Variants in CFAP65 observed in about 807,000 individuals in gnomAD.
CFAP65 encodes the protein cilia- and flagella-associated protein 65.
A neutral mutation model predicts 208.0 loss-of-function variants in CFAP65; 155 were observed. The observed-to-expected ratio is 0.75, with a 90% confidence interval of 0.65 to 0.85. CFAP65 has a LOEUF of 0.85. CFAP65 is among the 40% of genes least tolerant of loss of function. The pLI is 0.00. For missense variants in CFAP65, 2,294 were observed against 2,451.3 expected, an observed-to-expected ratio of 0.94 and a Z score of 1.36; for synonymous variants, 970 against 986.3, an observed-to-expected ratio of 0.98 and a Z score of 0.31.
At chr2:219,038,077 C>T (rs1948466895) in intron 4 of CFAP65, among the ~76,000 whole-genome samples, 1 of 152,210 alleles carries the variant, frequency 6.6e-6, no homozygotes, top group South Asian at 2.1e-4. Flanking sequence ...TCACTGCTCC[C>T]AGCACTCCAG....
Position 219,003,127 on chromosome 2 carries a change from G to T in CFAP65, c.5693+8C>A. On this transcript the variant is annotated splice_region_variant and intron_variant, in intron 34 of 34. Transcript: ENST00000341552. This position sits in a 1 kb window ranked among gnomAD's most constrained non-coding sequence, Gnocchi z 4.4. ...GGTCTGCGCGGCCGCTGGTCCCGGC[G>T]CCCTTACCTGGGCACGCAGAACGGC... is the stretch of plus-strand genomic sequence containing the variant. 1 of 1,542,792 alleles carries T rather than the reference G, an allele frequency of 6.5e-7. No individual in the cohort carries two copies. The highest frequency in any genetic ancestry group is 8.8e-7 in the Non-Finnish European group (1 of 1,141,752).
intron 19 of CFAP65, among the ~76,000 whole-genome samples, chr2:219,020,010 A>G (rs1947172528): frequency 6.6e-6 from 1 of 151,774 alleles, no homozygotes; most frequent in African/African-American, 2.4e-5. Flanking sequence ...ACACCATTAT[A>G]TACTGGGTAA....
rs746529279 is a variant in CFAP65, at chr2:219,028,180, C to T, written c.1851+21G>A. The T allele has an allele frequency of 8.1e-6, 13 of 1,611,468 alleles. No individual in the cohort carries two copies. In the African/African-American group the frequency reaches 1.1e-4, roughly 13 times the overall value. ...CAAGAATCACTAGAGAAGGGATATG[C>T]AGCTGGGGAGGGCACTGTACCTGGA... On this transcript the variant is annotated intron_variant, in intron 12 of 34. Coordinates refer to ENST00000341552, the MANE Select transcript of CFAP65 (RefSeq NM_194302.4).
chr2:219,030,152 G>A lies in CFAP65; in HGVS notation c.1218C>T (p.Ala406=). 1 of 1,614,166 alleles carries A rather than the reference G, an allele frequency of 6.2e-7. No individual in the cohort carries two copies. ...TGCCATGGGCCGTGGGGCATGAGAA[G>A]GCCTGGTCTTCGGCCAGTTCATCCG... The part of the protein sequence containing the change: ...ISPDELAEDQ[A]FSCPTAHGIV... Residue 406 remains alanine (A), a synonymous_variant, in exon 10 of 35, where the codon GCC becomes GCT. Transcript: ENST00000341552.
chr2:219,012,743 G>A (rs1946570940), intron 24 of CFAP65, among the ~76,000 whole-genome samples: 1 of 152,202 alleles, frequency 6.6e-6, no homozygotes. Context: ...CATCCTTTTT[G>A]GAGCAGTGAT....
intron 14 of CFAP65, 87 bp from the exon 15 acceptor site, chr2:219,024,347 A>G: frequency 6.7e-7 from 1 of 1,499,494 alleles, no homozygotes; most frequent in Non-Finnish European, 9.0e-7. Context: ...GCTTGGGAGG[A>G]GCTGTCTCCA....
intron 21 of CFAP65, chr2:219,014,950 G>T (rs1028093487): frequency 6.7e-6 from 1 of 148,812 alleles, no homozygotes; most frequent in Non-Finnish European, 1.5e-5. Flanking sequence ...GAGAATGCAT[G>T]CAACACACAC....
At chr2:219,020,483 C>T (rs1030929879) in intron 19 of CFAP65, among the ~76,000 whole-genome samples, 1 of 152,166 alleles carries the variant, frequency 6.6e-6, no homozygotes, top group African/African-American at 2.4e-5. Flanking sequence ...TGGGCTCAAG[C>T]AATCCTCCTG....
At position 219,010,531 on chromosome 2, in the gene CFAP65, C is replaced by G. The variant is rs755762503; in HGVS notation, c.4308+15G>C. On this transcript the variant is annotated intron_variant, in intron 26 of 34. Transcript: ENST00000341552. ...CCCACAAGGCCTCAGGCCTTCCTAG[C>G]TCCCCTTTCCCCACCTGTCCAGGCA... The G allele has an allele frequency of 8.1e-6, 13 of 1,604,446 alleles. No homozygotes were observed. In the African/African-American group the frequency reaches 1.3e-4, roughly 17 times the overall value.
In CFAP65 at chr2:219,013,954, G is replaced by C. The variant is rs57772693; in HGVS notation, c.3693C>G (p.Arg1231=). Residue 1231 remains arginine (R), a synonymous_variant, in exon 22 of 35, where the codon CGC becomes CGG. Coordinates refer to ENST00000341552, the MANE Select transcript of CFAP65 (RefSeq NM_194302.4). ...ELNSTELHQM[R]VQDNCLFSIS... is the part of the protein sequence containing the mutation. The stretch of plus-strand genomic sequence containing the variant: ...TGGAGAAGAGGCAATTGTCCTGCAC[G>C]CGCATCTGGTGGAGCTCAGTGGAAT... The C allele has an allele frequency of 6.2e-7, 1 of 1,613,610 alleles. No homozygotes were observed. Among genetic ancestry groups the C allele is most frequent in the South Asian group, 1.1e-5 (1 of 90,940 alleles).
Position 219,029,973 on chromosome 2 carries a change from G to C in CFAP65, c.1384+13C>G. 3.1e-6 allele frequency: 5 copies of C among 1,611,892 alleles called. No homozygotes were observed. The highest frequency in any genetic ancestry group is 1.1e-5 in the South Asian group (1 of 91,002). ...CTCCTGTCCCCAGGGGAGGCCCCTG[G>C]GGTCACCGGTACCTCTACAGAAACC... On this transcript the variant is annotated intron_variant, in intron 10 of 34. Transcript: ENST00000341552.
rs770461580 is a variant in CFAP65, at chr2:219,004,454, C to T, written c.5053G>A (p.Gly1685Ser). Reference protein sequence around the residue: ...LVDILTTIIRGLLEDKNFHEA... With the variant: ...LVDILTTIIRSLLEDKNFHEA... ...TGGAAGTTCTTGTCTTCCAGCAGGC[C>T]CCTAGGTGGCAGGGAGAAGGAGAAG... The change falls in exon 33 of 35, where the codon GGC becomes AGC. Residue 1685 changes from glycine (G) to serine (S), a missense_variant and splice_region_variant. This residue lies in a region of CFAP65 where 1,427 missense variants were observed against 1,438.7 expected (regional missense o/e 0.99). Coordinates refer to ENST00000341552, the MANE Select transcript of CFAP65 (RefSeq NM_194302.4). This position sits in a 1 kb window ranked among gnomAD's most constrained non-coding sequence, Gnocchi z 4.7. The T allele has an allele frequency of 1.9e-6, 3 of 1,602,262 alleles. No individual in the cohort carries two copies. The highest frequency in any genetic ancestry group is 1.1e-5 in the South Asian group (1 of 88,520).
Position 219,023,199 on chromosome 2 carries a change from C to T in CFAP65, c.2820+8G>A. On this transcript the variant is annotated splice_region_variant and intron_variant, in intron 16 of 34. Coordinates refer to ENST00000341552, the MANE Select transcript of CFAP65 (RefSeq NM_194302.4). ...TTGCCGTCACTCGGCAGGAGGGGAG[C>T]CACTCACAAGTCTCTCGTTGGGCTG... The T allele has an allele frequency of 6.2e-7, 1 of 1,608,382 alleles. No individual in the cohort carries two copies. The highest frequency in any genetic ancestry group is 8.5e-7 in the Non-Finnish European group (1 of 1,177,708).
chr2:219,010,721 G>C lies in CFAP65; in HGVS notation c.4150-17C>G, dbSNP rs1173865011. The C allele has an allele frequency of 1.1e-5, 18 of 1,599,170 alleles. No individual in the cohort carries two copies. Among genetic ancestry groups the C allele is most frequent in the Non-Finnish European group, 1.5e-5 (17 of 1,172,388 alleles). On this transcript the variant is annotated splice_polypyrimidine_tract_variant and intron_variant, in intron 25 of 34. Transcript: ENST00000341552. The stretch of plus-strand genomic sequence containing the variant: ...CACGTCCACCTGGGGAGTTAGGAGG[G>C]TGGGGGTAGGGACTGGTCAGAGGGA...
At chr2:219,011,270 C>CTTTTT (rs528817484) in intron 24 of CFAP65, among the ~76,000 whole-genome samples, 282 of 107,084 alleles carry the variant, frequency 2.6e-3, no homozygotes, top group Non-Finnish European at 3.3e-3. Flanking sequence ...CTTTTTCTTT[C>CTTTTT]TTTTTTTTTT....
Position 219,022,310 on chromosome 2 carries a change from C to T in CFAP65, c.2840G>A (p.Ser947Asn), listed in dbSNP as rs1947319724. Reference protein sequence around the residue: ...NERLTLTWTFSPLEETKYLFQ... With the variant: ...NERLTLTWTFNPLEETKYLFQ... Reference sequence around the variant, plus strand: ...CAGGTACTTGGTCTCCTCCAAAGGGCTGAAGGTCCACGTCAGCGTCTGGGG... The same window carrying T: ...CAGGTACTTGGTCTCCTCCAAAGGGTTGAAGGTCCACGTCAGCGTCTGGGG... The change falls in exon 17 of 35, where the codon AGC becomes AAC. Residue 947 changes from serine (S) to asparagine (N), a missense_variant. Ser to Asn is a conservative substitution (Grantham distance 46). Coordinates refer to ENST00000341552, the MANE Select transcript of CFAP65 (RefSeq NM_194302.4). The T allele has an allele frequency of 6.2e-7, 1 of 1,605,156 alleles. No homozygotes were observed. Among genetic ancestry groups the T allele is most frequent in the Non-Finnish European group, 8.5e-7 (1 of 1,176,102 alleles).
At position 219,031,138 on chromosome 2, in the gene CFAP65, C is replaced by T. The variant is rs1420232781; in HGVS notation, c.983G>A (p.Arg328Gln). 2.1e-5 allele frequency: 34 copies of T among 1,601,198 alleles called. No homozygotes were observed. The highest frequency in any genetic ancestry group is 5.3e-5 in the African/African-American group (4 of 74,804). The change falls in exon 8 of 35, where the codon CGG becomes CAG. Residue 328 changes from arginine to glutamine, a missense_variant. Physicochemically the swap from Arg to Gln is conservative, Grantham distance 43 (BLOSUM62 1). Around this residue, in one of 2 missense-constraint regions of CFAP65, gnomAD observed 867 missense variants for 1,012.6 expected, o/e 0.86. Coordinates refer to ENST00000341552, the MANE Select transcript of CFAP65 (RefSeq NM_194302.4). This position sits in a 1 kb window ranked among gnomAD's most constrained non-coding sequence, Gnocchi z 5.2. ...CTGCAGCTGGATGCTGCTCCTCTGC[C>T]GGCTGCCCGCCCCGTACCAGCACGT... is the stretch of plus-strand genomic sequence containing the variant. Reference protein sequence around the residue: ...QATCWYGAGSRQRSSIQLQAV... With the variant: ...QATCWYGAGSQQRSSIQLQAV...
Position 219,022,222 on chromosome 2 carries a change from G to A in CFAP65, c.2928C>T (p.Thr976=). 1 of 1,606,386 alleles carries A rather than the reference G, an allele frequency of 6.2e-7. No individual in the cohort carries two copies. The highest frequency in any genetic ancestry group is 8.5e-7 in the Non-Finnish European group (1 of 1,176,756). Reference sequence around the variant, plus strand: ...CCACCAGCCGGAGCATGTAGTGGGTGGTGGCAGCGGGGTTGGCATTTGGGG... The same window carrying A: ...CCACCAGCCGGAGCATGTAGTGGGTAGTGGCAGCGGGGTTGGCATTTGGGG... ...GLSPNANPAA[T]THYMLRLVGV... Residue 976 remains threonine, a synonymous_variant, in exon 17 of 35, where the codon ACC becomes ACT. Coordinates refer to ENST00000341552, the MANE Select transcript of CFAP65 (RefSeq NM_194302.4).
Position 219,028,411 on chromosome 2 carries a change from TTG to T in CFAP65, c.1651-12_1651-11del. 6.2e-7 allele frequency: 1 copy of T among 1,611,894 alleles called. No individual in the cohort carries two copies. Among genetic ancestry groups the T allele is most frequent in the Non-Finnish European group, 8.5e-7 (1 of 1,179,650 alleles). On this transcript the variant is annotated splice_polypyrimidine_tract_variant and intron_variant, in intron 11 of 34. Transcript: ENST00000341552. ...CCAGGAACAGTGGGTCCTGTGACATTTGTCTGTGTGTGGTGGGGCATGGGAGG... is the reference window on the plus strand; with the variant it reads ...CCAGGAACAGTGGGTCCTGTGACATTTCTGTGTGTGGTGGGGCATGGGAGG...
Sources: gnomAD v4.1 joint callset for allele counts (sites outside exome capture counted in the v4.1 genomes callset) on GRCh38, gnomAD v4.1.1 for gene constraint, gnomAD v4.1.1 regional missense constraint, Gnocchi (gnomAD v3.1) non-coding constraint, MANE v1.5 for transcripts, NCBI Gene and HGNC (gene_info 2026-07-23, HGNC 2026-07-21) for gene names.